CFAP91: variants seen among roughly 807,000 people sequenced by gnomAD.
The protein encoded by CFAP91 is cilia- and flagella-associated protein 91.
CFAP91 carries 85 observed loss-of-function variants against 95.9 expected under a neutral mutation model. The observed-to-expected ratio is 0.89, with a 90% CI of 0.74 to 1.06. The LOEUF is 1.06. Among genes scored for constraint, CFAP91 ranks in the 50% least tolerant of loss-of-function variants. CFAP91 has a pLI of 0.00. For missense variants in CFAP91, 962 were observed against 943.4 expected (o/e 1.02, Z -0.26); for synonymous variants, 335 against 327.5 (o/e 1.02, Z -0.25).
chr3:119,728,474 A>T (rs1559756023), intron 7 of CFAP91, among the ~76,000 whole-genome samples: 1 of 152,218 alleles, frequency 6.6e-6, no homozygotes. Context: ...CAGCAACTTC[A>T]TGAAGAGGGT....
In CFAP91 at chr3:119,765,418, C is replaced by T. The variant is rs1306522076; in HGVS notation, c.*368C>T. ...ATTCACAGGACATTGGCATTATCTACTAAGGCTGAAAATGTGCATATTCCA... is the reference window on the plus strand; with the variant it reads ...ATTCACAGGACATTGGCATTATCTATTAAGGCTGAAAATGTGCATATTCCA... On this transcript the variant is annotated 3_prime_UTR_variant, in exon 18 of 18. Coordinates refer to ENST00000273390, the MANE Select transcript of CFAP91 (RefSeq NM_033364.4). 1.3e-5 allele frequency: 2 copies of T among 152,188 alleles called. No individual in the cohort carries two copies. The highest frequency in any genetic ancestry group is 4.8e-5 in the African/African-American group (2 of 41,448). 9.4% of individuals were successfully genotyped at this position (152,188 alleles called of 1,614,324 possible). A position where few individuals can be genotyped will look rare whatever the true frequency, so the allele number is the denominator to read the frequency against.
At chr3:119,714,105 G>A (rs1413353567) in intron 5 of CFAP91, among the ~76,000 whole-genome samples, 1 of 152,060 alleles carries the variant, frequency 6.6e-6, no homozygotes, top group Non-Finnish European at 1.5e-5. Context: ...GCTCACGCCT[G>A]TAATCCCAGC....
chr3:119,723,924 CT>C (rs1313595376), intron 6 of CFAP91, among the ~76,000 whole-genome samples: 1 of 151,340 alleles, frequency 6.6e-6, no homozygotes, highest in Non-Finnish European at 1.5e-5. Context: ...CTTTGGGAGG[CT>C]GAAGCTAGCA....
intron 17 of CFAP91, among the ~76,000 whole-genome samples, chr3:119,764,052 C>T (rs1465375022): frequency 2.0e-5 from 3 of 152,044 alleles, no homozygotes; most frequent in African/African-American, 4.8e-5. Flanking sequence ...CATTCTACAA[C>T]GTGCACGTAT....
chr3:119,755,769 A>G (rs2054415370), intron 17 of CFAP91, among the ~76,000 whole-genome samples: 1 of 152,256 alleles, frequency 6.6e-6, no homozygotes, highest in South Asian at 2.1e-4. Flanking sequence ...AGAACTGGAC[A>G]TAATAAAAAT....
intron 17 of CFAP91, among the ~76,000 whole-genome samples, chr3:119,763,920 G>A (rs2054582993): frequency 6.6e-6 from 1 of 152,052 alleles, no homozygotes; most frequent in African/African-American, 2.4e-5. Context: ...TAAAACCGTG[G>A]TGACTATATT....
At chr3:119,744,807 T>C (rs967213420) in intron 14 of CFAP91, among the ~76,000 whole-genome samples, 3 of 152,164 alleles carry the variant, frequency 2.0e-5, no homozygotes, top group East Asian at 1.9e-4. Flanking sequence ...AAGATGTAAA[T>C]TTGGAAGTTG....
chr3:119,734,617 T>G (rs1393346069), intron 10 of CFAP91, among the ~76,000 whole-genome samples: 1 of 152,248 alleles, frequency 6.6e-6, no homozygotes, highest in African/African-American at 2.4e-5. Context: ...ATACCTGGGA[T>G]GAACCTGCCT....
At chr3:119,719,931 C>T (rs560220108) in intron 6 of CFAP91, among the ~76,000 whole-genome samples, 56 of 150,174 alleles carry the variant, frequency 3.7e-4, no homozygotes, top group African/African-American at 1.3e-3. Context: ...GGTGAAACCC[C>T]GTCTCTACTG....
chr3:119,749,603 A>G (rs2107911214), intron 16 of CFAP91, among the ~76,000 whole-genome samples: 1 of 152,234 alleles, frequency 6.6e-6, no homozygotes, highest in South Asian at 2.1e-4. Flanking sequence ...GGAAGACTTG[A>G]GCTAACGGAA....
rs1012095878 is a variant in CFAP91 at position 119,765,348 on chromosome 3, A to G, written c.*298A>G. 3.3e-5 allele frequency: 5 copies of G among 152,208 alleles called. No individual in the cohort carries two copies. Among genetic ancestry groups the G allele is most frequent in the African/African-American group, 4.8e-5 (2 of 41,464 alleles). The allele number at this position is 152,208 out of a possible 1,614,324, so 9.4% of individuals were successfully genotyped here. A position where few individuals can be genotyped will look rare whatever the true frequency, so the allele number is the denominator to read the frequency against. ...ATGTGCTGGTTTGTTGAATCAAACA[A>G]AAGGAAATGTTGTGGAATATTTTTC... On this transcript the variant is annotated 3_prime_UTR_variant, in exon 18 of 18. Coordinates refer to ENST00000273390, the MANE Select transcript of CFAP91 (RefSeq NM_033364.4).
At chr3:119,752,886 C>A (rs1012352741) in intron 17 of CFAP91, among the ~76,000 whole-genome samples, 3 of 152,014 alleles carry the variant, frequency 2.0e-5, no homozygotes, top group Non-Finnish European at 4.4e-5. Context: ...ACAAAGATGA[C>A]CAACCAATAA....
chr3:119,747,708 A>G (rs757180891), intron 15 of CFAP91, 103 bp from the exon 16 acceptor site: 40 of 883,454 alleles, frequency 4.5e-5, no homozygotes, highest in Non-Finnish European at 6.3e-5. Flanking sequence ...GGAAAAGGTG[A>G]TGGTGGGGTT....
intron 5 of CFAP91, among the ~76,000 whole-genome samples, chr3:119,713,444 G>T (rs2053513906): frequency 6.7e-6 from 1 of 150,104 alleles, no homozygotes. Context: ...AACATCTTTG[G>T]TGTATGTATT....
At chr3:119,727,168 A>G (rs1241489805) in intron 7 of CFAP91, among the ~76,000 whole-genome samples, 3 of 152,244 alleles carry the variant, frequency 2.0e-5, no homozygotes, top group African/African-American at 7.2e-5. Context: ...AAGCAATGCT[A>G]CCAAGGACCC....
At chr3:119,715,301 C>A in intron 5 of CFAP91, 1 of 575,064 alleles carries the variant, frequency 1.7e-6, no homozygotes. Flanking sequence ...CCCAGTGACA[C>A]ACATATAAAT....
intron 6 of CFAP91, among the ~76,000 whole-genome samples, chr3:119,724,546 A>G (rs1361302030): frequency 6.6e-6 from 1 of 152,128 alleles, no homozygotes; most frequent in East Asian, 1.9e-4. Flanking sequence ...ATACATATAT[A>G]CACATACATA....
intron 5 of CFAP91, 148 bp downstream of exon 5, chr3:119,710,043 G>C (rs2053445287): frequency 1.6e-6 from 1 of 625,382 alleles, no homozygotes; most frequent in Non-Finnish European, 2.8e-6. Flanking sequence ...AGTGTGTCAT[G>C]AGCAGCATTT....
Position 119,708,695 on chromosome 3 carries a change from A to G in CFAP91, c.443+21A>G, listed in dbSNP as rs776839547. ...GAAAGGTAGAACATAATTACTAATGAATATTTGAGCCCTAATATTATTAGA... is the reference window on the plus strand; with the variant it reads ...GAAAGGTAGAACATAATTACTAATGGATATTTGAGCCCTAATATTATTAGA... On this transcript the variant is annotated intron_variant, in intron 4 of 17. Coordinates refer to ENST00000273390, the MANE Select transcript of CFAP91 (RefSeq NM_033364.4). The G allele has an allele frequency of 1.8e-5, 24 of 1,344,644 alleles. No homozygotes were observed. In the South Asian group the frequency reaches 3.0e-4, roughly 17 times the overall value. 83.3% of individuals were successfully genotyped at this position (1,344,644 alleles called of 1,614,324 possible).
Sources: gnomAD v4.1 joint callset for allele counts (sites outside exome capture counted in the v4.1 genomes callset) on GRCh38, gnomAD v4.1.1 for gene constraint, MANE v1.5 for transcripts, NCBI Gene and HGNC (gene_info 2026-07-23, HGNC 2026-07-21) for gene names.